CTNNBIP1: variants seen among roughly 807,000 people sequenced by gnomAD.
CTNNBIP1 encodes catenin beta interacting protein 1.
Under a neutral mutation model 11.8 loss-of-function variants are expected in CTNNBIP1, and 7 were observed. The ratio of observed to expected loss-of-function variants is 0.60; its 90% CI spans 0.34 to 1.12. CTNNBIP1 has a LOEUF of 1.12. CTNNBIP1 is among the 50% of genes most tolerant of loss of function. The pLI is 0.03. For missense variants in CTNNBIP1, 101 were observed against 113.4 expected (o/e 0.89, Z 0.50); for synonymous variants, 58 against 43.9 (o/e 1.32, Z -1.26).
At chr1:9,857,984 T>C (rs556523779) in intron 5 of CTNNBIP1, among the ~76,000 whole-genome samples, 2 of 152,172 alleles carry the variant, frequency 1.3e-5, no homozygotes, top group Non-Finnish European at 2.9e-5. Flanking sequence ...CCACAGTCTT[T>C]CCCATCTCAG....
chr1:9,899,969 G>C (rs955428943), intron 1 of CTNNBIP1, among the ~76,000 whole-genome samples: 3 of 151,892 alleles, frequency 2.0e-5, no homozygotes, highest in Admixed American at 2.0e-4. Context: ...AGGTACTCGG[G>C]AGGCTGAGGC....
At chr1:9,878,842 A>C (rs1201795121) in intron 2 of CTNNBIP1, among the ~76,000 whole-genome samples, 1 of 152,162 alleles carries the variant, frequency 6.6e-6, no homozygotes, top group Non-Finnish European at 1.5e-5. Flanking sequence ...TCATCCCAAT[A>C]AATGGTGAGG....
At chr1:9,907,561 C>T (rs1557770343) in intron 1 of CTNNBIP1, among the ~76,000 whole-genome samples, 1 of 152,328 alleles carries the variant, frequency 6.6e-6, no homozygotes, top group East Asian at 1.9e-4. Flanking sequence ...GCAACATCTT[C>T]CAACAGTGGC....
At chr1:9,892,796 C>G (rs376026768) in intron 1 of CTNNBIP1, among the ~76,000 whole-genome samples, 90 of 152,136 alleles carry the variant, frequency 5.9e-4, no homozygotes, top group African/African-American at 2.0e-3. Context: ...TGCTTCTGCT[C>G]TACTAAGCAG....
intron 1 of CTNNBIP1, among the ~76,000 whole-genome samples, chr1:9,898,799 C>T (rs1421108128): frequency 2.0e-5 from 3 of 152,172 alleles, no homozygotes; most frequent in Non-Finnish European, 4.4e-5. Context: ...AACCTATGCA[C>T]ATCCTGCCAT....
In CTNNBIP1 at chr1:9,871,178, C is replaced by A; in HGVS notation, c.187+9G>T. On this transcript the variant is annotated intron_variant, in intron 5 of 5. Transcript: ENST00000377263. This position sits in a 1 kb window ranked among gnomAD's most constrained non-coding sequence, Gnocchi z 5.2. ...TGCCACTGCCCCAGCCCCTCTGCCG[C>A]CAACTCACCCTGGTCGATGGAGTGC... 1 of 1,560,648 alleles carries A rather than the reference C, an allele frequency of 6.4e-7. No individual in the cohort carries two copies. Among genetic ancestry groups the A allele is most frequent in the African/African-American group, 1.3e-5 (1 of 74,210 alleles).
At chr1:9,870,867 T>C (rs988320833) in intron 5 of CTNNBIP1, among the ~76,000 whole-genome samples, 3 of 152,204 alleles carry the variant, frequency 2.0e-5, no homozygotes, top group African/African-American at 7.2e-5. Flanking sequence ...GTTAAAGAAA[T>C]GCAATAATCA....
intron 3 of CTNNBIP1, among the ~76,000 whole-genome samples, chr1:9,876,888 AC>A (rs1403867613): frequency 6.9e-6 from 1 of 143,936 alleles, no homozygotes; most frequent in East Asian, 2.0e-4. Flanking sequence ...ACACACACAC[AC>A]AGTTCAGAGC....
chr1:9,906,540 C>G (rs866427119), intron 1 of CTNNBIP1, among the ~76,000 whole-genome samples: 8 of 151,492 alleles, frequency 5.3e-5, no homozygotes, highest in Admixed American at 3.9e-4. Context: ...GCCTGGGCAA[C>G]AAGAGCAAAA....
chr1:9,875,384 T>A (rs1462961113), intron 3 of CTNNBIP1, among the ~76,000 whole-genome samples: 2 of 152,186 alleles, frequency 1.3e-5, no homozygotes, highest in African/African-American at 4.8e-5. Context: ...AAAGACTGCT[T>A]CCATCACAGA....
At chr1:9,886,681 C>A (rs1639192923) in intron 1 of CTNNBIP1, among the ~76,000 whole-genome samples, 1 of 152,224 alleles carries the variant, frequency 6.6e-6, no homozygotes, top group Non-Finnish European at 1.5e-5. Flanking sequence ...CTCAACCGCT[C>A]TGCCCTGTTG....
chr1:9,864,689 G>T (rs1208593919), intron 5 of CTNNBIP1, among the ~76,000 whole-genome samples: 1 of 152,182 alleles, frequency 6.6e-6, no homozygotes, highest in African/African-American at 2.4e-5. Flanking sequence ...ACTGGCCATG[G>T]GTGGCCTTTG....
chr1:9,852,597 C>A (rs1638415244), intron 5 of CTNNBIP1, among the ~76,000 whole-genome samples: 1 of 152,236 alleles, frequency 6.6e-6, no homozygotes, highest in Non-Finnish European at 1.5e-5. Flanking sequence ...ACCACAGAAT[C>A]CAAGATTACA....
Position 9,854,967 on chromosome 1 carries a change from G to A in CTNNBIP1, c.188-4191C>T, listed in dbSNP as rs536296294. 6.6e-5 allele frequency among the ~76,000 whole-genome samples: 10 copies of A among 152,282 alleles called. 1 individual carries two copies. In the South Asian group the frequency reaches 2.1e-3, roughly 32 times the overall value. On this transcript the variant is annotated intron_variant, in intron 5 of 5. Transcript: ENST00000377263. ...GCTGGGATTACAGGCTTGAGCTACT[G>A]CACCTGGCCCACTAAAAAACTATTA...
intron 3 of CTNNBIP1, among the ~76,000 whole-genome samples, chr1:9,873,217 C>T (rs1638900982): frequency 6.6e-6 from 1 of 152,192 alleles, no homozygotes; most frequent in Non-Finnish European, 1.5e-5. Context: ...ATAGCAGCTG[C>T]ATGCTGGATG....
At chr1:9,878,803 G>T (rs1022786176) in intron 2 of CTNNBIP1, among the ~76,000 whole-genome samples, 1 of 152,228 alleles carries the variant, frequency 6.6e-6, no homozygotes, top group Non-Finnish European at 1.5e-5. Context: ...GCAAGACCCA[G>T]TACCTCACAT....
chr1:9,872,027 T>C lies in CTNNBIP1; in HGVS notation c.38A>G (p.Glu13Gly). Reference protein sequence around the residue: ...REGAPGKSPEEMYIQQKVRVL... With the variant: ...REGAPGKSPEGMYIQQKVRVL... ...TCGGACCTTCTGCTGAATGTACATC[T>C]CCTCCGGACTCTTCCCGGGAGCTCC... The change falls in exon 4 of 6, where the codon GAG becomes GGG. Residue 13 changes from glutamate to glycine, a missense_variant. Coordinates refer to ENST00000377263, the MANE Select transcript of CTNNBIP1 (RefSeq NM_020248.3). The surrounding 1 kb of genome is among the most constrained non-coding windows in gnomAD (Gnocchi z 4.0). 1.2e-6 allele frequency: 2 copies of C among 1,614,166 alleles called. No individual in the cohort carries two copies. Among genetic ancestry groups the C allele is most frequent in the Non-Finnish European group, 1.7e-6 (2 of 1,180,008 alleles).
intron 1 of CTNNBIP1, among the ~76,000 whole-genome samples, chr1:9,889,504 G>T (rs1639254485): frequency 6.6e-6 from 1 of 152,108 alleles, no homozygotes; most frequent in Admixed American, 6.6e-5. Context: ...CATCTGCTAT[G>T]CTTTCCACCT....
rs748729736 is a variant in CTNNBIP1, at chr1:9,872,843, G to A, written c.-24-755C>T. Among the ~76,000 whole-genome samples the A allele has an allele frequency of 2.0e-5, 3 of 152,224 alleles. No homozygotes were observed. The highest frequency in any genetic ancestry group is 4.4e-5 in the Non-Finnish European group (3 of 68,030). Reference sequence around the variant, plus strand: ...GTCCAGAGCCCCCTCCCTCCAGGAGGAGCTGGAGGAGAGGAAGCTGGGTAT... The same window carrying A: ...GTCCAGAGCCCCCTCCCTCCAGGAGAAGCTGGAGGAGAGGAAGCTGGGTAT... On this transcript the variant is annotated intron_variant, in intron 3 of 5. Coordinates refer to ENST00000377263, the MANE Select transcript of CTNNBIP1 (RefSeq NM_020248.3). The surrounding 1 kb of genome is among the most constrained non-coding windows in gnomAD (Gnocchi z 4.0).
Sources: allele counts gnomAD v4.1 joint callset (sites outside exome capture counted in the v4.1 genomes callset), GRCh38; gene constraint gnomAD v4.1.1; non-coding constraint Gnocchi (gnomAD v3.1); transcripts MANE v1.5; gene names NCBI Gene and HGNC (gene_info 2026-07-23, HGNC 2026-07-21).